PCGF5: variants seen among roughly 807,000 people sequenced by gnomAD.
PCGF5 encodes the protein polycomb group ring finger 5, also known as polycomb group RING finger protein 5.
Under a neutral mutation model 44.3 loss-of-function variants are expected in PCGF5, and 9 were observed. The observed-to-expected ratio is 0.20, with a 90% CI of 0.12 to 0.35. The LOEUF (loss-of-function observed/expected upper bound fraction) is 0.35, where lower values mean the gene tolerates loss of function less well. Ranked by LOEUF, PCGF5 falls within the 10% of genes least tolerant of loss-of-function variation. The pLI, the probability that PCGF5 is intolerant of heterozygous loss-of-function variation, is 1.00. For synonymous variants in PCGF5, 95 were observed against 102.5 expected (o/e 0.93, Z 0.44); for missense variants, 146 against 305.3 (o/e 0.48, Z 3.89).
intron 5 of PCGF5, among the ~76,000 whole-genome samples, chr10:91,249,473 C>T (rs1197159389): frequency 5.6e-5 from 8 of 143,388 alleles, no homozygotes; most frequent in Non-Finnish European, 1.1e-4. Flanking sequence ...AGTATCGCTC[C>T]CATTTTTTTA....
chr10:91,179,955 C>T (rs1400098598), intron 1 of PCGF5, among the ~76,000 whole-genome samples: 1 of 152,182 alleles, frequency 6.6e-6, no homozygotes, highest in Non-Finnish European at 1.5e-5. Flanking sequence ...AACTAATTTA[C>T]ACCCCTACCA....
chr10:91,246,047 G>C (rs1845453614), intron 3 of PCGF5, among the ~76,000 whole-genome samples: 1 of 152,126 alleles, frequency 6.6e-6, no homozygotes, highest in Non-Finnish European at 1.5e-5. Context: ...ATAATTTTGA[G>C]CAAGTAAGAG....
Position 91,222,840 on chromosome 10 carries a change from A to C in PCGF5, c.-32A>C. 1 of 1,379,998 alleles carries C rather than the reference A, an allele frequency of 7.2e-7. No homozygotes were observed. Among genetic ancestry groups the C allele is most frequent in the Non-Finnish European group, 1.0e-6 (1 of 967,474 alleles). The allele number at this position is 1,379,998 out of a possible 1,614,324, so 85.5% of individuals were successfully genotyped here. A position where few individuals can be genotyped will look rare whatever the true frequency, so the allele number is the denominator to read the frequency against. The stretch of plus-strand genomic sequence containing the variant: ...ATCTACTTAGGACCCCTCTTTGCCC[A>C]GACTACTAAAGCCAGTCTTCACTAG... On this transcript the variant is annotated 5_prime_UTR_variant, in exon 2 of 10. Transcript: ENST00000336126.
intron 1 of PCGF5, among the ~76,000 whole-genome samples, chr10:91,183,031 T>C (rs570129198): frequency 6.6e-6 from 1 of 152,330 alleles, no homozygotes; most frequent in African/African-American, 2.4e-5. Context: ...GTGTTTTACT[T>C]CCGATTATAT....
At chr10:91,245,908 T>C (rs1222410895) in intron 3 of PCGF5, among the ~76,000 whole-genome samples, 8 of 152,156 alleles carry the variant, frequency 5.3e-5, no homozygotes, top group Non-Finnish European at 7.3e-5. Flanking sequence ...TGTAGTATGA[T>C]TCCTGGCAAA....
At chr10:91,276,396 A>T (rs1249396660) in intron 9 of PCGF5, among the ~76,000 whole-genome samples, 3 of 152,218 alleles carry the variant, frequency 2.0e-5, no homozygotes, top group Non-Finnish European at 4.4e-5. Context: ...TAGAAACTGA[A>T]ACGCAGGTCT....
chr10:91,230,901 G>T (rs1056388036), intron 2 of PCGF5, among the ~76,000 whole-genome samples: 3 of 152,050 alleles, frequency 2.0e-5, no homozygotes, highest in African/African-American at 7.2e-5. Flanking sequence ...GGGATTATAG[G>T]TGTCAGCCAC....
upstream of PCGF5, among the ~76,000 whole-genome samples, chr10:91,158,253 C>G (rs899620004): frequency 1.3e-5 from 2 of 152,166 alleles, no homozygotes; most frequent in African/African-American, 4.8e-5. Context: ...AAAATGTCTT[C>G]CTGATCTTCT....
intron 1 of PCGF5, among the ~76,000 whole-genome samples, chr10:91,177,204 G>T (rs1843722863): frequency 6.6e-6 from 1 of 152,214 alleles, no homozygotes; most frequent in Non-Finnish European, 1.5e-5. Context: ...ATCAGCAGCA[G>T]AGGCTGCAGA....
intron 1 of PCGF5, among the ~76,000 whole-genome samples, chr10:91,165,398 G>A (rs896918736): frequency 6.6e-6 from 1 of 152,172 alleles, no homozygotes; most frequent in Admixed American, 6.5e-5. Flanking sequence ...CACTTATTTG[G>A]AATACTAATA....
chr10:91,264,292 G>A, intron 7 of PCGF5, 139 bp from the exon 8 acceptor site: 1 of 638,976 alleles, frequency 1.6e-6, no homozygotes, highest in Non-Finnish European at 2.6e-6. Flanking sequence ...TGCTTTAGGA[G>A]AATAAATGCC....
rs138875960 is a variant in PCGF5 at position 91,260,183 on chromosome 10, A to T, written c.475-1143A>T. On this transcript the variant is annotated intron_variant, in intron 6 of 9. Transcript: ENST00000336126. Reference sequence around the variant, plus strand: ...ACAGACACTTCTCAAAAGAAGACATATATGCAGCCAACAGACATGTGAAAA... The same window carrying T: ...ACAGACACTTCTCAAAAGAAGACATTTATGCAGCCAACAGACATGTGAAAA... 8.7e-3 allele frequency among the ~76,000 whole-genome samples: 1,315 copies of T among 151,952 alleles called. 15 individuals carry two copies. The highest frequency in any genetic ancestry group is 0.03 in the South Asian group (142 of 4,798).
At chr10:91,185,041 G>A (rs1843893725) in intron 1 of PCGF5, among the ~76,000 whole-genome samples, 1 of 152,208 alleles carries the variant, frequency 6.6e-6, no homozygotes, top group African/African-American at 2.4e-5. Flanking sequence ...TTTTAGAACA[G>A]CTGTACTGTG....
At position 91,283,471 on chromosome 10, in the gene PCGF5, G is replaced by A. The variant is rs1846501599; in HGVS notation, c.*5155G>A. On this transcript the variant is annotated 3_prime_UTR_variant, in exon 10 of 10. Coordinates refer to ENST00000336126, the MANE Select transcript of PCGF5 (RefSeq NM_032373.5). Reference sequence around the variant, plus strand: ...CATCTTATGGAGCTTCATGGAATAAGAAACTAATCTAGTGCAAATGAAGAT... The same window carrying A: ...CATCTTATGGAGCTTCATGGAATAAAAAACTAATCTAGTGCAAATGAAGAT... The A allele has an allele frequency of 6.6e-6, 1 of 152,184 alleles. No individual in the cohort carries two copies. Among genetic ancestry groups the A allele is most frequent in the Non-Finnish European group, 1.5e-5 (1 of 68,030 alleles). The allele number at this position is 152,184 out of a possible 1,614,324, so 9.4% of individuals were successfully genotyped here.
chr10:91,163,878 A>G (rs1843444060), intron 1 of PCGF5, among the ~76,000 whole-genome samples: 1 of 151,906 alleles, frequency 6.6e-6, no homozygotes, highest in Non-Finnish European at 1.5e-5. Flanking sequence ...CGCTGCTCCC[A>G]TCCCCTCCCC....
intron 6 of PCGF5, among the ~76,000 whole-genome samples, chr10:91,256,490 A>G (rs1292025284): frequency 6.6e-6 from 1 of 152,112 alleles, no homozygotes; most frequent in East Asian, 1.9e-4. Flanking sequence ...GAAGTTCCAG[A>G]AGGAGAGGAA....
At chr10:91,264,403 A>C in intron 7 of PCGF5, 28 bp from the exon 8 acceptor site, 1 of 1,477,040 alleles carries the variant, frequency 6.8e-7, no homozygotes, top group Non-Finnish European at 9.2e-7. Flanking sequence ...ACATTATGTT[A>C]ATAGATCTAT....
At chr10:91,254,263 T>C (rs1845694756) in intron 6 of PCGF5, among the ~76,000 whole-genome samples, 2 of 151,694 alleles carry the variant, frequency 1.3e-5, no homozygotes, top group Admixed American at 6.6e-5. Context: ...AAGATCTGTA[T>C]CTAGATTATA....
At position 91,275,126 on chromosome 10, in the gene PCGF5, A is replaced by G. The variant is rs193287891; in HGVS notation, c.724-3143A>G. ...AAAAATATCATAAAATATATTTGCA[A>G]TGTATGATAGAAAAAGGTTTAATGT... On this transcript the variant is annotated intron_variant, in intron 9 of 9. Coordinates refer to ENST00000336126, the MANE Select transcript of PCGF5 (RefSeq NM_032373.5). Among the ~76,000 whole-genome samples the G allele has an allele frequency of 1.9e-4, 29 of 152,330 alleles. 2 individuals carry two copies. The highest frequency in any genetic ancestry group is 6.5e-4 in the African/African-American group (27 of 41,582).
Sources: gnomAD v4.1 joint callset for allele counts (sites outside exome capture counted in the v4.1 genomes callset) on GRCh38, gnomAD v4.1.1 for gene constraint, MANE v1.5 for transcripts, NCBI Gene and HGNC (gene_info 2026-07-23, HGNC 2026-07-21) for gene names.